Variants in ARHGAP24 observed in about 807,000 individuals in gnomAD.
ARHGAP24 encodes rho GTPase-activating protein 24.
In ARHGAP24, 50 loss-of-function variants were observed where a neutral mutation model predicts 76.4. That is an observed-to-expected ratio of 0.65 (90% CI 0.52 to 0.83). ARHGAP24 has a LOEUF of 0.83. Among genes scored for constraint, ARHGAP24 ranks in the 40% least tolerant of loss-of-function variants. The pLI, the probability that ARHGAP24 is intolerant of heterozygous loss-of-function variation, is 0.00. For synonymous variants in ARHGAP24, 345 were observed against 323.3 expected (o/e 1.07, Z -0.72); for missense variants, 930 against 914.2 (o/e 1.02, Z -0.22).
intron 2 of ARHGAP24, among the ~76,000 whole-genome samples, chr4:85,630,331 A>T (rs1721118681): frequency 6.6e-6 from 1 of 152,138 alleles, no homozygotes; most frequent in South Asian, 2.1e-4. Context: ...TCTTTTTCAG[A>T]CAACTTGTAG....
chr4:85,908,317 G>A (rs1381158751), intron 3 of ARHGAP24, among the ~76,000 whole-genome samples: 1 of 152,014 alleles, frequency 6.6e-6, no homozygotes, highest in Non-Finnish European at 1.5e-5. Context: ...CTCATTTCAT[G>A]GTTTGTCTCC....
At chr4:85,897,150 T>A (rs544970129) in intron 3 of ARHGAP24, among the ~76,000 whole-genome samples, 2 of 152,170 alleles carry the variant, frequency 1.3e-5, no homozygotes, top group Non-Finnish European at 2.9e-5. Context: ...TAGGATGAGT[T>A]CTTGAAAGGC....
chr4:85,764,132 G>A (rs1726839506), intron 3 of ARHGAP24, among the ~76,000 whole-genome samples: 1 of 151,934 alleles, frequency 6.6e-6, no homozygotes, highest in African/African-American at 2.4e-5. Context: ...GAGAGTTTCT[G>A]GAAGAATTTA....
chr4:85,814,877 C>A (rs1729169565), intron 3 of ARHGAP24, among the ~76,000 whole-genome samples: 1 of 152,174 alleles, frequency 6.6e-6, no homozygotes, highest in Non-Finnish European at 1.5e-5. Context: ...CCATGAGAGC[C>A]CGACCCCTGC....
chr4:85,930,940 G>C, intron 4 of ARHGAP24: 1 of 1,614,062 alleles, frequency 6.2e-7, no homozygotes, highest in Non-Finnish European at 8.5e-7. Flanking sequence ...GATGCCTGAA[G>C]ACCGGAATTC....
chr4:85,781,574 T>TA (rs1193043935), intron 3 of ARHGAP24, among the ~76,000 whole-genome samples: 7 of 141,264 alleles, frequency 5.0e-5, no homozygotes, highest in Admixed American at 1.4e-4. Context: ...CTTTAATTTT[T>TA]AAAAAAATAC....
chr4:85,914,034 G>A (rs188435385), intron 3 of ARHGAP24, among the ~76,000 whole-genome samples: 11 of 152,242 alleles, frequency 7.2e-5, no homozygotes, highest in African/African-American at 1.9e-4. Context: ...TATAAGTATG[G>A]TATCTTCAAT....
intron 2 of ARHGAP24, among the ~76,000 whole-genome samples, chr4:85,678,640 TAA>T (rs755483410): frequency 6.6e-6 from 1 of 152,182 alleles, no homozygotes; most frequent in Non-Finnish European, 1.5e-5. Flanking sequence ...AAATGATCTG[TAA>T]AGTCAGCATC....
intron 2 of ARHGAP24, among the ~76,000 whole-genome samples, chr4:85,578,837 T>G (rs896669742): frequency 4.6e-5 from 7 of 152,206 alleles, no homozygotes; most frequent in Non-Finnish European, 1.0e-4. Context: ...ATATATACTT[T>G]ATTAATTGTA....
At chr4:85,885,014 T>A (rs968903647) in intron 3 of ARHGAP24, among the ~76,000 whole-genome samples, 2 of 152,132 alleles carry the variant, frequency 1.3e-5, no homozygotes, top group Non-Finnish European at 2.9e-5. Flanking sequence ...ACAAAGAAAC[T>A]GCAAGAGTGG....
chr4:85,496,939 T>G (rs1723606773), intron 1 of ARHGAP24, among the ~76,000 whole-genome samples: 1 of 152,194 alleles, frequency 6.6e-6, no homozygotes. Context: ...CATTTTGTGA[T>G]GTTTACAAGT....
chr4:85,930,138 C>T, intron 4 of ARHGAP24: 1 of 682,434 alleles, frequency 1.5e-6, no homozygotes, highest in Non-Finnish European at 1.8e-6. Flanking sequence ...CAGCTCCCTC[C>T]CAGTTCTCAT....
At chr4:85,952,115 A>G (rs1367933624) in intron 5 of ARHGAP24, among the ~76,000 whole-genome samples, 1 of 152,200 alleles carries the variant, frequency 6.6e-6, no homozygotes, top group African/African-American at 2.4e-5. Flanking sequence ...AGCTCTTTCT[A>G]TACATAGCAG....
chr4:85,957,688 C>T (rs185732477), intron 5 of ARHGAP24, among the ~76,000 whole-genome samples: 1 of 152,314 alleles, frequency 6.6e-6, no homozygotes, highest in East Asian at 1.9e-4. Flanking sequence ...AAATGCTTGG[C>T]TTCTTCTCTA....
chr4:85,659,674 G>T (rs1159545525), intron 2 of ARHGAP24, among the ~76,000 whole-genome samples: 1 of 152,066 alleles, frequency 6.6e-6, no homozygotes, highest in Non-Finnish European at 1.5e-5. Flanking sequence ...GTACACATAA[G>T]GGTTGTAATT....
intron 3 of ARHGAP24, among the ~76,000 whole-genome samples, chr4:85,866,686 T>C (rs1157910717): frequency 6.6e-6 from 1 of 152,172 alleles, no homozygotes; most frequent in Non-Finnish European, 1.5e-5. Flanking sequence ...TTCTCTGCTC[T>C]GGTCGGCAGA....
intron 4 of ARHGAP24, among the ~76,000 whole-genome samples, chr4:85,937,335 A>G (rs886613943): frequency 6.6e-6 from 1 of 152,186 alleles, no homozygotes; most frequent in African/African-American, 2.4e-5. Flanking sequence ...GGATTAAAAG[A>G]CACAGAACAG....
chr4:85,872,415 G>A (rs2110192781), intron 3 of ARHGAP24, among the ~76,000 whole-genome samples: 1 of 151,722 alleles, frequency 6.6e-6, no homozygotes, highest in Non-Finnish European at 1.5e-5. Flanking sequence ...TCCTGCCTCA[G>A]CCTCCCGAGT....
intron 2 of ARHGAP24, among the ~76,000 whole-genome samples, chr4:85,684,170 C>T (rs1723336269): frequency 2.0e-5 from 3 of 152,154 alleles, no homozygotes; most frequent in Admixed American, 2.0e-4. Flanking sequence ...TTCAAGAAAG[C>T]TAAAAACTGT....
Sources: allele counts gnomAD v4.1 joint callset (sites outside exome capture counted in the v4.1 genomes callset), GRCh38; gene constraint gnomAD v4.1.1; transcripts MANE v1.5; gene names NCBI Gene and HGNC (gene_info 2026-07-23, HGNC 2026-07-21).